SGO1: variants seen among roughly 807,000 people sequenced by gnomAD.
SGO1 encodes the protein shugoshin 1, also known as serologically defined breast cancer antigen NY-BR-85.
Under a neutral mutation model 50.5 loss-of-function variants are expected in SGO1, and 39 were observed. The observed-to-expected ratio is 0.77, with a 90% CI of 0.60 to 1.01. The LOEUF is 1.01. Ranked by LOEUF, SGO1 falls within the 50% of genes least tolerant of loss-of-function variation. SGO1 has a pLI of 0.00. For missense variants in SGO1, 638 were observed against 606.0 expected (o/e 1.05, Z -0.55); for synonymous variants, 191 against 205.1 (o/e 0.93, Z 0.59).
chr3:20,169,939 TC>T lies in SGO1; in HGVS notation c.*764del. Reference sequence around the variant, plus strand: ...GAATACTACACAGAGTTTCAAAAGATCCACAATAATTTATTTTACTCAAATA... The same window carrying T: ...GAATACTACACAGAGTTTCAAAAGATCACAATAATTTATTTTACTCAAATA... On this transcript the variant is annotated 3_prime_UTR_variant, in exon 8 of 8. Coordinates refer to ENST00000412997, the MANE Select transcript of SGO1 (RefSeq NM_001199251.3). 1 of 983,322 alleles carries T rather than the reference TC, an allele frequency of 1.0e-6. No individual in the cohort carries two copies. The highest frequency in any genetic ancestry group is 1.1e-4 in the East Asian group (1 of 8,804). 60.9% of individuals were successfully genotyped at this position (983,322 alleles called of 1,614,324 possible).
chr3:20,181,904 G>A (rs1415527286), intron 3 of SGO1, among the ~76,000 whole-genome samples: 3 of 151,896 alleles, frequency 2.0e-5, no homozygotes, highest in East Asian at 1.9e-4. Flanking sequence ...ACAACATGGC[G>A]AAACCCTGTC....
chr3:20,165,746 C>T (rs1222262309), downstream of SGO1, among the ~76,000 whole-genome samples: 1 of 152,052 alleles, frequency 6.6e-6, no homozygotes, highest in Non-Finnish European at 1.5e-5. Flanking sequence ...ATCATAGATA[C>T]AAAAAATCCT....
At chr3:20,174,206 A>AT (rs757401022) in intron 6 of SGO1, 43 bp downstream of exon 6, 2 of 1,457,772 alleles carry the variant, frequency 1.4e-6, no homozygotes, top group Admixed American at 3.4e-5. Context: ...GTGATCATTT[A>AT]TCACGAACAT....
In SGO1 at chr3:20,183,704, G is replaced by A. The variant is rs962731510; in HGVS notation, c.243C>T (p.Ile81=). The change falls in exon 3 of 8, where the codon ATC becomes ATT. Residue 81 remains isoleucine, a synonymous_variant. Coordinates refer to ENST00000412997, the MANE Select transcript of SGO1 (RefSeq NM_001199251.3). ...EKSKVKEAQD[I]ILQLRKECYY... is the part of the protein sequence containing the mutation. Reference sequence around the variant, plus strand: ...AACATTCTTTTCTCAGCTGTAGGATGATATCTTGGGCTTCTTTCACTTTGG... The same window carrying A: ...AACATTCTTTTCTCAGCTGTAGGATAATATCTTGGGCTTCTTTCACTTTGG... 6.2e-7 allele frequency: 1 copy of A among 1,613,202 alleles called. No homozygotes were observed.
At position 20,178,316 on chromosome 3, in the gene SGO1, G is replaced by C. The variant is rs1341394204; in HGVS notation, c.371C>G (p.Pro124Arg). ...ATTTCTGGAGCTGTCATCACTATTGGGGTCCATTCCAGAGGAACATATTTC... is the reference window on the plus strand; with the variant it reads ...ATTTCTGGAGCTGTCATCACTATTGCGGTCCATTCCAGAGGAACATATTTC... The part of the protein sequence containing the change: ...NQEICSSGMD[P>R]NSDDSSRNLF... The change falls in exon 4 of 8, where the codon CCC becomes CGC. Residue 124 changes from proline (P) to arginine (R), a missense_variant. Transcript: ENST00000412997. 1.2e-6 allele frequency: 2 copies of C among 1,612,632 alleles called. No individual in the cohort carries two copies. The highest frequency in any genetic ancestry group is 1.7e-6 in the Non-Finnish European group (2 of 1,179,066).
intron 6 of SGO1, among the ~76,000 whole-genome samples, chr3:20,173,948 A>C (rs1469907200): frequency 1.3e-5 from 2 of 152,230 alleles, no homozygotes; most frequent in Non-Finnish European, 2.9e-5. Context: ...TATAAAAGCT[A>C]CTTCAATTCA....
In SGO1 at chr3:20,180,691, T is replaced by C. The variant is rs372504551; in HGVS notation, c.340-2344A>G. Among the ~76,000 whole-genome samples the C allele has an allele frequency of 9.8e-5, 15 of 152,356 alleles. No individual in the cohort carries two copies. The East Asian group carries it at 1.4e-3, about 14-fold the overall frequency. On this transcript the variant is annotated intron_variant, in intron 3 of 7. Coordinates refer to ENST00000412997, the MANE Select transcript of SGO1 (RefSeq NM_001199251.3). ...GAGGTGGATTTGCAGATCTCTGTTA[T>C]GAAGATGACAATTCTCACTCAATTC...
At chr3:20,180,432 T>A (rs1467610848) in intron 3 of SGO1, among the ~76,000 whole-genome samples, 1 of 152,224 alleles carries the variant, frequency 6.6e-6, no homozygotes, top group East Asian at 1.9e-4. Context: ...TTCATTACTT[T>A]TTCTCTAAGG....
intron 6 of SGO1, among the ~76,000 whole-genome samples, chr3:20,173,770 T>C (rs1471982978): frequency 2.0e-5 from 3 of 152,178 alleles, no homozygotes; most frequent in African/African-American, 4.8e-5. Flanking sequence ...TTTTTAGAGA[T>C]GTCGTACAAA....
At chr3:20,184,874 C>G (rs1335816346) in intron 1 of SGO1, among the ~76,000 whole-genome samples, 2 of 152,052 alleles carry the variant, frequency 1.3e-5, no homozygotes, top group Non-Finnish European at 2.9e-5. Context: ...TGTCAAACCA[C>G]TTTTCACAAA....
At position 20,170,390 on chromosome 3, in the gene SGO1, T is replaced by C. The variant is rs1700592039; in HGVS notation, c.*314A>G. On this transcript the variant is annotated 3_prime_UTR_variant, in exon 8 of 8. Coordinates refer to ENST00000412997, the MANE Select transcript of SGO1 (RefSeq NM_001199251.3). ...TCCAGCCTGGGCAACAAGAATGAAA[T>C]TCCGCCTCCAAAAAAAAAAAAAGAT... The C allele has an allele frequency of 3.1e-6, 3 of 954,608 alleles. No homozygotes were observed. The highest frequency in any genetic ancestry group is 3.7e-6 in the Non-Finnish European group (3 of 801,948). The allele number at this position is 954,608 out of a possible 1,614,324, so 59.1% of individuals were successfully genotyped here. A position where few individuals can be genotyped will look rare whatever the true frequency, so the allele number is the denominator to read the frequency against.
chr3:20,174,431 C>T lies in SGO1; in HGVS notation c.1100G>A (p.Ser367Asn), dbSNP rs745986648. ...NREENNESEVSLCESSGSGDD... is the reference protein window; with the variant it reads ...NREENNESEVNLCESSGSGDD... ...TCCTGAACCACTTGATTCACAGAGG[C>T]TCACTTCAGACTCGTTGTTTTCTTC... Residue 367 changes from serine (S) to asparagine (N), a missense_variant, in exon 6 of 8, where the codon AGC becomes AAC. Transcript: ENST00000412997. The T allele has an allele frequency of 1.4e-5, 22 of 1,614,022 alleles. No individual in the cohort carries two copies. In the East Asian group the frequency reaches 4.2e-4, roughly 31 times the overall value.
At chr3:20,184,931 A>C (rs527967059) in intron 1 of SGO1, among the ~76,000 whole-genome samples, 1 of 152,250 alleles carries the variant, frequency 6.6e-6, no homozygotes, top group Non-Finnish European at 1.5e-5. Context: ...AATTGCAAAA[A>C]AAAAAGACTT....
chr3:20,171,599 A>G (rs934777578), intron 6 of SGO1, among the ~76,000 whole-genome samples: 1 of 152,242 alleles, frequency 6.6e-6, no homozygotes, highest in Non-Finnish European at 1.5e-5. Context: ...ACACTTTACT[A>G]AAACTTAAAA....
intron 1 of SGO1, among the ~76,000 whole-genome samples, chr3:20,184,510 G>A (rs987676914): frequency 1.3e-5 from 2 of 152,072 alleles, no homozygotes; most frequent in Admixed American, 6.5e-5. Flanking sequence ...ATCAGATTAG[G>A]TCATTCAACT....
chr3:20,174,696 G>A lies in SGO1; in HGVS notation c.835C>T (p.Gln279Ter). ...KEDILESKSE[Q>*]TKSKQRDTQE... is the part of the protein sequence containing the mutation. ...GTATCTCTTTGCTTACTTTTAGTTTGTTCAGATTTAGATTCTAAAATGTCT... is the reference window on the plus strand; with the variant it reads ...GTATCTCTTTGCTTACTTTTAGTTTATTCAGATTTAGATTCTAAAATGTCT... The change falls in exon 6 of 8, where the codon CAA becomes TAA. Residue 279 changes from glutamine to a stop codon, truncating the protein, a stop_gained. Transcript: ENST00000412997. LOFTEE classifies it high-confidence loss of function. 1 of 1,612,814 alleles carries A rather than the reference G, an allele frequency of 6.2e-7. No homozygotes were observed. The highest frequency in any genetic ancestry group is 8.5e-7 in the Non-Finnish European group (1 of 1,179,700).
downstream of SGO1, among the ~76,000 whole-genome samples, chr3:20,167,457 T>C (rs1005129594): frequency 8.2e-5 from 7 of 85,172 alleles, no homozygotes; most frequent in South Asian, 6.4e-4. Context: ...AAAAAAGGAA[T>C]AGTGTGTAGA....
chr3:20,166,294 AAAC>A (rs376626307), downstream of SGO1, among the ~76,000 whole-genome samples: 56 of 152,184 alleles, frequency 3.7e-4, no homozygotes, highest in African/African-American at 1.0e-3. Flanking sequence ...CAACAACAAA[AAAC>A]AACCTATTGG....
chr3:20,180,914 A>T lies in SGO1; in HGVS notation c.340-2567T>A, dbSNP rs940031133. Reference sequence around the variant, plus strand: ...GGCCAAGGCCAGAGGATTGCTTGATACCAGGAGCTCAAGACCAGCTTGGGA... The same window carrying T: ...GGCCAAGGCCAGAGGATTGCTTGATTCCAGGAGCTCAAGACCAGCTTGGGA... On this transcript the variant is annotated intron_variant, in intron 3 of 7. Coordinates refer to ENST00000412997, the MANE Select transcript of SGO1 (RefSeq NM_001199251.3). Among the ~76,000 whole-genome samples, 4 of 152,148 alleles carry T rather than the reference A, an allele frequency of 2.6e-5. No individual in the cohort carries two copies. The South Asian group carries it at 8.3e-4, about 32-fold the overall frequency.
Sources: allele counts gnomAD v4.1 joint callset (sites outside exome capture counted in the v4.1 genomes callset), GRCh38; gene constraint gnomAD v4.1.1; transcripts MANE v1.5; gene names NCBI Gene and HGNC (gene_info 2026-07-23, HGNC 2026-07-21).